The following NXPE2 variants were observed in gnomAD, a reference collection of about 807,000 sequenced individuals.
The protein encoded by NXPE2 is neurexophilin and PC-esterase domain family member 2, also known as NXPE family member 2.
A neutral mutation model predicts 34.4 loss-of-function variants in NXPE2; 34 were observed. The observed-to-expected ratio is 0.99, with a 90% CI of 0.75 to 1.31. NXPE2 has a LOEUF of 1.31. Among genes scored for constraint, NXPE2 ranks in the 40% most tolerant of loss-of-function variants. The pLI, the probability that NXPE2 is intolerant of heterozygous loss-of-function variation, is 0.00. For missense variants in NXPE2, 649 were observed against 672.5 expected, an observed-to-expected ratio of 0.97 and a Z score of 0.39; for synonymous variants, 235 against 231.3, an observed-to-expected ratio of 1.02 and a Z score of -0.15.
the NXPE2 span, among the ~76,000 whole-genome samples, chr11:114,537,060 C>T: frequency 6.6e-6 from 1 of 152,154 alleles, no homozygotes; most frequent in Admixed American, 6.5e-5. Context: ...AATCCAGCAA[C>T]ACATCAAAAA....
chr11:114,478,441 G>A, the NXPE2 span, among the ~76,000 whole-genome samples: 2 of 152,100 alleles, frequency 1.3e-5, no homozygotes, highest in Admixed American at 1.3e-4. Context: ...ATTTTCTAAA[G>A]GAAATGCTCC....
chr11:114,537,081 C>T, the NXPE2 span, among the ~76,000 whole-genome samples: 17 of 152,312 alleles, frequency 1.1e-4, no homozygotes, highest in African/African-American at 1.7e-4. Context: ...GCTTATCCAC[C>T]GTGATCAAAT....
chr11:114,588,984 G>A, the NXPE2 span, among the ~76,000 whole-genome samples: 20 of 152,116 alleles, frequency 1.3e-4, no homozygotes. Context: ...GGGACCAGGA[G>A]GAGACCCAGG....
the NXPE2 span, among the ~76,000 whole-genome samples, chr11:114,623,989 A>T: frequency 0.062 from 9,444 of 152,202 alleles, 362 homozygotes; most frequent in Non-Finnish European, 0.09. Context: ...CCTCGTGGGT[A>T]ACCACTGTTA....
At chr11:114,507,082 A>G in the NXPE2 span, among the ~76,000 whole-genome samples, 5 of 152,248 alleles carry the variant, frequency 3.3e-5, no homozygotes, top group East Asian at 9.6e-4. Context: ...TGACCACAGA[A>G]TATTATAAAC....
chr11:114,496,510 T>G, the NXPE2 span, among the ~76,000 whole-genome samples: 1 of 152,318 alleles, frequency 6.6e-6, no homozygotes, highest in East Asian at 1.9e-4. Context: ...GGTTCTTTAT[T>G]GTATGGATAG....
the NXPE2 span, among the ~76,000 whole-genome samples, chr11:114,575,011 A>C: frequency 1.3e-5 from 2 of 152,204 alleles, no homozygotes; most frequent in Non-Finnish European, 2.9e-5. Context: ...AGTGGGTTTC[A>C]TACCAGGGAC....
At chr11:114,529,967 T>C in the NXPE2 span, 560 of 531,172 alleles carry the variant, frequency 1.1e-3, 4 homozygotes, top group African/African-American at 1.0e-2. Flanking sequence ...AGAACGGTTA[T>C]AGCAAAACAC....
chr11:114,471,741 G>A, the NXPE2 span, among the ~76,000 whole-genome samples: 2 of 152,186 alleles, frequency 1.3e-5, no homozygotes. Flanking sequence ...CGTCTTGTCA[G>A]TAATTAATGC....
At chr11:114,807,934 T>TGC in the NXPE2 span, among the ~76,000 whole-genome samples, 1 of 152,218 alleles carries the variant, frequency 6.6e-6, no homozygotes, top group Non-Finnish European at 1.5e-5. Flanking sequence ...ATTGACCACA[T>TGC]AGTTGGAAGT....
chr11:114,636,318 A>G, the NXPE2 span, among the ~76,000 whole-genome samples: 4 of 151,890 alleles, frequency 2.6e-5, no homozygotes, highest in South Asian at 8.3e-4. Context: ...TATCCCCTTT[A>G]TCATTTTTTA....
chr11:114,578,149 G>T, the NXPE2 span, among the ~76,000 whole-genome samples: 2 of 152,174 alleles, frequency 1.3e-5, no homozygotes, highest in African/African-American at 4.8e-5. Context: ...ACATGGGATT[G>T]TCTTAGAAGC....
chr11:114,519,933 C>G, the NXPE2 span, among the ~76,000 whole-genome samples: 4 of 108,334 alleles, frequency 3.7e-5, no homozygotes, highest in East Asian at 5.8e-4. Flanking sequence ...GCTCTGTAGC[C>G]CAGTCTGGAG....
the NXPE2 span, among the ~76,000 whole-genome samples, chr11:114,768,443 TG>T: frequency 2.0e-5 from 3 of 152,228 alleles, no homozygotes; most frequent in African/African-American, 7.2e-5. Context: ...TCTAATTCTG[TG>T]AAGAAAGTCA....
the NXPE2 span, among the ~76,000 whole-genome samples, chr11:114,610,191 C>T: frequency 6.8e-4 from 104 of 151,962 alleles, no homozygotes; most frequent in East Asian, 7.6e-3. Context: ...AGTATTGCCA[C>T]GTGGGTAGCC....
At chr11:114,602,052 TTATA>T in the NXPE2 span, among the ~76,000 whole-genome samples, 2 of 94,236 alleles carry the variant, frequency 2.1e-5, no homozygotes, top group Non-Finnish European at 3.6e-5. Context: ...ATATATTATA[TTATA>T]TATATTATAA....
chr11:114,805,581 T>C, the NXPE2 span, among the ~76,000 whole-genome samples: 2 of 152,236 alleles, frequency 1.3e-5, no homozygotes, highest in East Asian at 3.9e-4. Flanking sequence ...CCACGGCGTC[T>C]CGCTCAGTGC....
the NXPE2 span, among the ~76,000 whole-genome samples, chr11:114,656,721 AATT>A: frequency 2.0e-5 from 3 of 152,170 alleles, no homozygotes; most frequent in East Asian, 5.8e-4. Context: ...TCATGAAATT[AATT>A]ATATGAAAAA....
chr11:114,805,217 G>C, the NXPE2 span, among the ~76,000 whole-genome samples: 1 of 151,284 alleles, frequency 6.6e-6, no homozygotes, highest in African/African-American at 2.4e-5. Context: ...AAAAAGGTAG[G>C]GAGGGAGATA....
Sources: allele counts gnomAD v4.1 joint callset (sites outside exome capture counted in the v4.1 genomes callset), GRCh38; gene constraint gnomAD v4.1.1; transcripts MANE v1.5; gene names NCBI Gene and HGNC (gene_info 2026-07-23, HGNC 2026-07-21).